KCNQ4: variants seen among roughly 807,000 people sequenced by gnomAD.
KCNQ4 encodes the protein potassium voltage-gated channel subfamily Q member 4, also known as potassium voltage-gated channel subfamily KQT member 4.
A neutral mutation model predicts 72.6 loss-of-function variants in KCNQ4; 31 were observed. The ratio of observed to expected loss-of-function variants is 0.43; its 90% confidence interval spans 0.32 to 0.58. The LOEUF (loss-of-function observed/expected upper bound fraction) is 0.58, where lower values mean the gene tolerates loss of function less well. Ranked by LOEUF, KCNQ4 falls within the 20% of genes least tolerant of loss-of-function variation. The pLI, the probability that KCNQ4 is intolerant of heterozygous loss-of-function variation, is 0.08. For missense variants in KCNQ4, 869 were observed against 962.6 expected (o/e 0.90, Z 1.29); for synonymous variants, 405 against 403.7 (o/e 1.00, Z -0.04).
At chr1:40,813,498 G>A (rs1310773061) in intron 1 of KCNQ4, among the ~76,000 whole-genome samples, 1 of 152,150 alleles carries the variant, frequency 6.6e-6, no homozygotes, top group Non-Finnish European at 1.5e-5. Context: ...TGGGGGAGCC[G>A]TGGTGCCGTT....
intron 1 of KCNQ4, among the ~76,000 whole-genome samples, chr1:40,810,320 A>AT (rs1221688241): frequency 6.6e-6 from 1 of 152,056 alleles, no homozygotes; most frequent in Non-Finnish European, 1.5e-5. Flanking sequence ...GTCTTCACTG[A>AT]TCCCTCCACT....
intron 12 of KCNQ4, among the ~76,000 whole-genome samples, chr1:40,835,304 T>A (rs1219206951): frequency 6.6e-6 from 1 of 152,224 alleles, no homozygotes; most frequent in Non-Finnish European, 1.5e-5. Context: ...AACCATAGTT[T>A]CTCTGTGAGG....
chr1:40,797,366 G>C (rs1395716579), intron 1 of KCNQ4, among the ~76,000 whole-genome samples: 2 of 152,228 alleles, frequency 1.3e-5, no homozygotes, highest in Non-Finnish European at 2.9e-5. Context: ...CAGGCAGAGA[G>C]AATAGCACAG....
At chr1:40,792,682 G>T (rs1647306738) in intron 1 of KCNQ4, among the ~76,000 whole-genome samples, 1 of 152,172 alleles carries the variant, frequency 6.6e-6, no homozygotes, top group Non-Finnish European at 1.5e-5. Context: ...AGAGACGGGG[G>T]ACGGGGAAAG....
intron 1 of KCNQ4, among the ~76,000 whole-genome samples, chr1:40,804,543 T>C (rs1217966760): frequency 1.3e-5 from 2 of 152,118 alleles, no homozygotes; most frequent in Non-Finnish European, 2.9e-5. Flanking sequence ...CATCAGCTGG[T>C]AGTGGCTCAT....
At chr1:40,807,548 C>A (rs777405217) in intron 1 of KCNQ4, among the ~76,000 whole-genome samples, 2 of 152,218 alleles carry the variant, frequency 1.3e-5, no homozygotes, top group Non-Finnish European at 2.9e-5. Flanking sequence ...AAGAGCCTCG[C>A]TCTGAGGCCT....
At chr1:40,830,504 G>A (rs928470275) in intron 9 of KCNQ4, among the ~76,000 whole-genome samples, 3 of 152,076 alleles carry the variant, frequency 2.0e-5, no homozygotes, top group African/African-American at 4.8e-5. Context: ...GTAAACACAC[G>A]CCAACATATG....
chr1:40,834,813 A>G (rs1332240582), intron 11 of KCNQ4, among the ~76,000 whole-genome samples, 154 bp from the exon 12 acceptor site: 1 of 151,942 alleles, frequency 6.6e-6, no homozygotes, highest in Admixed American at 6.5e-5. Flanking sequence ...ACTTGGAGGT[A>G]GGGGAGGCTG....
chr1:40,811,970 G>A (rs1045188678), intron 1 of KCNQ4, among the ~76,000 whole-genome samples: 1 of 152,212 alleles, frequency 6.6e-6, no homozygotes, highest in Non-Finnish European at 1.5e-5. Context: ...TTGGATGAAT[G>A]AAGCCACACC....
Position 40,784,808 on chromosome 1 carries a change from C to G in KCNQ4, c.314+401C>G, listed in dbSNP as rs558994031. On this transcript the variant is annotated intron_variant, in intron 1 of 13. Coordinates refer to ENST00000347132, the MANE Select transcript of KCNQ4 (RefSeq NM_004700.4). The surrounding 1 kb of genome is among the most constrained non-coding windows in gnomAD (Gnocchi z 4.1). ...CTGTGTCCCAGACACAAAGAGGAAC[C>G]CTTGGCTCCCACACGCTTCTGTCAC... 6.6e-6 allele frequency among the ~76,000 whole-genome samples: 1 copy of G among 152,282 alleles called. No homozygotes were observed. Among genetic ancestry groups the G allele is most frequent in the African/African-American group, 2.4e-5 (1 of 41,548 alleles).
At chr1:40,822,235 G>A in intron 7 of KCNQ4, 79 bp from the exon 8 acceptor site, 1 of 1,214,122 alleles carries the variant, frequency 8.2e-7, no homozygotes, top group Non-Finnish European at 1.2e-6. Flanking sequence ...CCAAGGACTG[G>A]GTTCTTTCAG....
At chr1:40,820,023 G>T in intron 6 of KCNQ4, 38 bp downstream of exon 6, 1 of 1,579,906 alleles carries the variant, frequency 6.3e-7, no homozygotes, top group Non-Finnish European at 8.7e-7. Flanking sequence ...GGGAGGCTGA[G>T]GGTGGGACCT....
chr1:40,794,867 G>A lies in KCNQ4; in HGVS notation c.314+10460G>A, dbSNP rs1032272422. 3.3e-5 allele frequency among the ~76,000 whole-genome samples: 5 copies of A among 152,076 alleles called. No homozygotes were observed. The highest frequency in any genetic ancestry group is 5.9e-5 in the Non-Finnish European group (4 of 68,024). ...CACTGAGCTGTGGAGCCAGAAGAGG[G>A]AGGGGTCTGGTAGGGACAGAGGGAT... On this transcript the variant is annotated intron_variant, in intron 1 of 13. Coordinates refer to ENST00000347132, the MANE Select transcript of KCNQ4 (RefSeq NM_004700.4). This position sits in a 1 kb window ranked among gnomAD's most constrained non-coding sequence, Gnocchi z 4.2.
chr1:40,833,320 G>A (rs780295035), intron 11 of KCNQ4, among the ~76,000 whole-genome samples: 26 of 152,120 alleles, frequency 1.7e-4, no homozygotes, highest in Non-Finnish European at 2.8e-4. Context: ...TGAGGCAGGA[G>A]AATCACTTGA....
rs777429489 is a variant in KCNQ4, at chr1:40,838,501, C to T, written c.2066C>T (p.Ser689Leu). The T allele has an allele frequency of 2.5e-6, 4 of 1,614,128 alleles. No individual in the cohort carries two copies. In the African/African-American group the frequency reaches 4.0e-5, roughly 16 times the overall value. The change falls in exon 14 of 14, where the codon TCG becomes TTG. Residue 689 changes from serine (S) to leucine (L), a missense_variant. Coordinates refer to ENST00000347132, the MANE Select transcript of KCNQ4 (RefSeq NM_004700.4). ...VSAQTLSISR[S>L]VSTNMD ...GCACAGACGCTCAGCATCTCCCGCT[C>T]GGTCAGCACCAACATGGACTGAGGG...
rs374225389 is a variant in KCNQ4, at chr1:40,833,099, C to T, written c.1599C>T (p.Val533=). Residue 533 remains valine (V), a synonymous_variant, in exon 11 of 14, where the codon GTC becomes GTT. Coordinates refer to ENST00000347132, the MANE Select transcript of KCNQ4 (RefSeq NM_004700.4). ...VDDIMPAVKT[V]IRSIRILKFL... ...ACATCATGCCTGCTGTGAAGACAGT[C>T]ATCCGCTCCATCAGGTAAGACTGAG... 4.3e-6 allele frequency: 7 copies of T among 1,611,276 alleles called. No individual in the cohort carries two copies. Among genetic ancestry groups the T allele is most frequent in the Non-Finnish European group, 5.9e-6 (7 of 1,179,532 alleles).
At chr1:40,831,040 G>C in intron 9 of KCNQ4, 44 bp from the exon 10 acceptor site, 19 of 1,421,310 alleles carry the variant, frequency 1.3e-5, no homozygotes, top group Non-Finnish European at 1.5e-5. Flanking sequence ...CCCACCCCCA[G>C]CTCTGGCTAA....
In KCNQ4 at chr1:40,831,191, G is replaced by T; in HGVS notation, c.1400G>T (p.Ser467Ile). 6.2e-7 allele frequency: 1 copy of T among 1,610,724 alleles called. No homozygotes were observed. The highest frequency in any genetic ancestry group is 1.1e-5 in the South Asian group (1 of 90,376). Residue 467 changes from serine (S) to isoleucine (I), a missense_variant, in exon 10 of 14, where the codon AGC becomes ATC. Physicochemically the swap from Ser to Ile is moderately radical, Grantham distance 142 (BLOSUM62 -2). Around this residue, in one of 5 missense-constraint regions of KCNQ4, gnomAD observed 480 missense variants for 501.9 expected, o/e 0.96. Coordinates refer to ENST00000347132, the MANE Select transcript of KCNQ4 (RefSeq NM_004700.4). ...APPTMPTSPS[S>I]EQVGEATSPT... is the part of the protein sequence containing the mutation. ...CCAACAATGCCCACCTCCCCAAGCA[G>T]CGAGCAGGTGGGTGAGGCCACCAGC...
rs576878371 is a variant in KCNQ4 at position 40,799,745 on chromosome 1, G to T, written c.314+15338G>T. Among the ~76,000 whole-genome samples the T allele has an allele frequency of 1.1e-3, 175 of 152,326 alleles. 1 individual carries two copies. The highest frequency in any genetic ancestry group is 4.0e-3 in the African/African-American group (167 of 41,580). Reference sequence around the variant, plus strand: ...CTTGGCCTCCACGAGGGAGGCCTGGGACTGTGCCCTGGATTTGCTCCAACC... The same window carrying T: ...CTTGGCCTCCACGAGGGAGGCCTGGTACTGTGCCCTGGATTTGCTCCAACC... On this transcript the variant is annotated intron_variant, in intron 1 of 13. Coordinates refer to ENST00000347132, the MANE Select transcript of KCNQ4 (RefSeq NM_004700.4).
Sources: gnomAD v4.1 joint callset for allele counts (sites outside exome capture counted in the v4.1 genomes callset) on GRCh38, gnomAD v4.1.1 for gene constraint, gnomAD v4.1.1 regional missense constraint, Gnocchi (gnomAD v3.1) non-coding constraint, MANE v1.5 for transcripts, NCBI Gene and HGNC (gene_info 2026-07-23, HGNC 2026-07-21) for gene names.